The following CWC27 variants were observed in gnomAD, a reference collection of about 807,000 sequenced individuals.
CWC27 encodes the protein spliceosome-associated protein CWC27 homolog.
A neutral mutation model predicts 63.6 loss-of-function variants in CWC27; 47 were observed. The observed-to-expected ratio is 0.74, with a 90% CI of 0.58 to 0.94. CWC27 has a LOEUF of 0.94. Ranked by LOEUF, CWC27 falls within the 40% of genes least tolerant of loss-of-function variation. The probability of loss-of-function intolerance (pLI) is 0.00; values close to 1 mark genes in which losing one functional copy is unlikely to be tolerated. For missense variants in CWC27, 495 were observed against 554.3 expected (o/e 0.89, Z 1.07); for synonymous variants, 175 against 179.8 (o/e 0.97, Z 0.22).
intron 11 of CWC27, among the ~76,000 whole-genome samples, chr5:64,968,590 T>C (rs1399175433): frequency 6.6e-6 from 1 of 152,138 alleles, no homozygotes; most frequent in Non-Finnish European, 1.5e-5. Context: ...AAGCCAGACA[T>C]AAAAAACTAC....
chr5:64,843,259 G>T (rs779189510), intron 10 of CWC27, among the ~76,000 whole-genome samples: 1 of 152,018 alleles, frequency 6.6e-6, no homozygotes, highest in Non-Finnish European at 1.5e-5. Flanking sequence ...CATTTATTTT[G>T]TGACTCTGAA....
chr5:64,816,383 A>T (rs763950161), intron 10 of CWC27, among the ~76,000 whole-genome samples: 1 of 152,136 alleles, frequency 6.6e-6, no homozygotes, highest in Non-Finnish European at 1.5e-5. Flanking sequence ...CTTAACTGAA[A>T]CACATTCATC....
At chr5:64,970,958 AGTGTGTGTGTGTGTGTGTGTGT>A (rs57958257) in intron 11 of CWC27, among the ~76,000 whole-genome samples, 2 of 143,508 alleles carry the variant, frequency 1.4e-5, no homozygotes, top group South Asian at 4.6e-4. Context: ...AGAGAGAGGG[AGTGTGTGTGTGTGTGTGTGTGT>A]GTGTGTGTGT....
chr5:64,902,237 C>G (rs1747526093), intron 11 of CWC27, among the ~76,000 whole-genome samples: 1 of 151,588 alleles, frequency 6.6e-6, no homozygotes, highest in Non-Finnish European at 1.5e-5. Context: ...TTTACACCAG[C>G]ATAACTACAA....
At chr5:64,804,616 TC>T in intron 10 of CWC27, 1 of 409,350 alleles carries the variant, frequency 2.4e-6, no homozygotes, top group Non-Finnish European at 4.3e-6. Context: ...TTCTCTCTGA[TC>T]CTTTTTTAGA....
chr5:64,900,040 A>G (rs1361197773), intron 11 of CWC27, among the ~76,000 whole-genome samples: 1 of 152,208 alleles, frequency 6.6e-6, no homozygotes, highest in Non-Finnish European at 1.5e-5. Flanking sequence ...GATATACCAC[A>G]AGTATTTTAT....
At chr5:64,808,055 T>A in intron 10 of CWC27, 1 of 1,307,620 alleles carries the variant, frequency 7.6e-7, no homozygotes, top group Non-Finnish European at 9.7e-7. Context: ...TCTTTTCTCT[T>A]GAGACTAATC....
intron 10 of CWC27, among the ~76,000 whole-genome samples, chr5:64,859,347 G>A (rs1746342421): frequency 6.6e-6 from 1 of 152,094 alleles, no homozygotes; most frequent in African/African-American, 2.4e-5. Context: ...CATTCTAGGA[G>A]GTTGGGTTAG....
chr5:64,796,004 T>C (rs1325256423), intron 7 of CWC27, among the ~76,000 whole-genome samples: 1 of 77,034 alleles, frequency 1.3e-5, no homozygotes, highest in African/African-American at 6.2e-5. Context: ...AAATTGTGCG[T>C]GTGTGTGTGT....
At chr5:64,919,249 A>G (rs1210758319) in intron 11 of CWC27, among the ~76,000 whole-genome samples, 1 of 152,268 alleles carries the variant, frequency 6.6e-6, no homozygotes, top group Admixed American at 6.5e-5. Context: ...ATTTGTCACC[A>G]TAAATACTGG....
chr5:64,811,485 C>T (rs1409278235), intron 10 of CWC27, among the ~76,000 whole-genome samples: 1 of 151,970 alleles, frequency 6.6e-6, no homozygotes, highest in Non-Finnish European at 1.5e-5. Flanking sequence ...AAATTAATTA[C>T]ATCAAATTGA....
intron 10 of CWC27, chr5:64,884,396 T>G (rs900299697): frequency 1.3e-5 from 2 of 152,064 alleles, no homozygotes; most frequent in African/African-American, 4.8e-5. Context: ...TAAAAAGAAC[T>G]GAGTTACACA....
intron 10 of CWC27, chr5:64,844,908 T>G (rs1171910759): frequency 6.6e-6 from 3 of 456,576 alleles, no homozygotes; most frequent in African/African-American, 6.0e-5. Flanking sequence ...GCTTCTGGTA[T>G]TTCTCCTCTC....
rs149561525 is a variant in CWC27, at chr5:64,778,194, A to G, written c.139+3407A>G. ...ATCTTGCTTCATAAGTAGTTCTTGA[A>G]TCTGTGTATCTCAAGATAAGCCATA... On this transcript the variant is annotated intron_variant, in intron 2 of 13. Transcript: ENST00000381070. Among the ~76,000 whole-genome samples the G allele has an allele frequency of 4.9e-4, 73 of 149,494 alleles. No individual in the cohort carries two copies. The East Asian group carries it at 0.013, about 27-fold the overall frequency.
intron 13 of CWC27, among the ~76,000 whole-genome samples, chr5:64,982,783 T>A (rs963287901): frequency 6.6e-6 from 1 of 152,120 alleles, no homozygotes; most frequent in Non-Finnish European, 1.5e-5. Context: ...TCTGGGCCCT[T>A]TACACCAGGG....
chr5:64,900,566 G>T (rs1747478021), intron 11 of CWC27, among the ~76,000 whole-genome samples: 1 of 151,938 alleles, frequency 6.6e-6, no homozygotes, highest in African/African-American at 2.4e-5. Flanking sequence ...TTTTGGGAAA[G>T]TCTAACTTAT....
chr5:64,984,110 G>A (rs1366928521), intron 13 of CWC27, among the ~76,000 whole-genome samples: 2 of 152,194 alleles, frequency 1.3e-5, no homozygotes, highest in Non-Finnish European at 2.9e-5. Flanking sequence ...TGGGATTACA[G>A]GCATGAGCTA....
At chr5:64,991,118 A>G (rs543659445) in intron 13 of CWC27, among the ~76,000 whole-genome samples, 1 of 152,304 alleles carries the variant, frequency 6.6e-6, no homozygotes, top group Admixed American at 6.5e-5. Context: ...TAAATTATGA[A>G]CTGCTTTCAC....
intron 11 of CWC27, 44 bp from the exon 12 acceptor site, chr5:64,971,659 A>C (rs1749126199): frequency 9.2e-6 from 13 of 1,418,076 alleles, no homozygotes; most frequent in Non-Finnish European, 1.2e-5. Flanking sequence ...GAATCCACAG[A>C]GCTATTTTAC....
Sources: allele counts gnomAD v4.1 joint callset (sites outside exome capture counted in the v4.1 genomes callset), GRCh38; gene constraint gnomAD v4.1.1; transcripts MANE v1.5; gene names NCBI Gene and HGNC (gene_info 2026-07-23, HGNC 2026-07-21).